The following MCUB variants were observed in gnomAD, a reference collection of about 807,000 sequenced individuals.
MCUB encodes calcium uniporter regulatory subunit MCUb, mitochondrial.
A neutral mutation model predicts 41.4 loss-of-function variants in MCUB; 46 were observed. The ratio of observed to expected loss-of-function variants is 1.11; its 90% CI spans 0.88 to 1.42. The LOEUF (loss-of-function observed/expected upper bound fraction) is 1.42, where lower values mean the gene tolerates loss of function less well. MCUB is among the 40% of genes most tolerant of loss of function. The pLI is 0.00. For synonymous variants in MCUB, 148 were observed against 148.2 expected, an observed-to-expected ratio of 1.00 and a Z score of 0.01; for missense variants, 403 against 404.9, an observed-to-expected ratio of 1.00 and a Z score of 0.04.
At chr4:109,605,214 G>A (rs1727842291) in intron 1 of MCUB, among the ~76,000 whole-genome samples, 1 of 152,040 alleles carries the variant, frequency 6.6e-6, no homozygotes, top group Admixed American at 6.6e-5. Context: ...TTATTGGTCT[G>A]TTTAAGTTTT....
At chr4:109,595,700 G>A (rs544013401) in intron 1 of MCUB, among the ~76,000 whole-genome samples, 4 of 152,298 alleles carry the variant, frequency 2.6e-5, no homozygotes, top group Non-Finnish European at 5.9e-5. Flanking sequence ...CCATAGAATA[G>A]CATTGTTTTG....
At chr4:109,600,592 G>T (rs1727708788) in intron 1 of MCUB, among the ~76,000 whole-genome samples, 1 of 152,126 alleles carries the variant, frequency 6.6e-6, no homozygotes, top group Non-Finnish European at 1.5e-5. Flanking sequence ...AGCTCTTTGG[G>T]AATGAAACAT....
chr4:109,599,811 G>C (rs1727686615), intron 1 of MCUB, among the ~76,000 whole-genome samples: 1 of 152,072 alleles, frequency 6.6e-6, no homozygotes, highest in Non-Finnish European at 1.5e-5. Flanking sequence ...TGGGATTACA[G>C]GCGCCTACCA....
intron 1 of MCUB, chr4:109,648,549 C>T (rs1182506679): frequency 1.2e-5 from 5 of 410,402 alleles, no homozygotes; most frequent in Non-Finnish European, 1.9e-5. Context: ...TTTATTTTCA[C>T]AGTGATGATT....
chr4:109,598,680 G>A (rs1727649028), intron 1 of MCUB, among the ~76,000 whole-genome samples: 1 of 152,162 alleles, frequency 6.6e-6, no homozygotes, highest in Non-Finnish European at 1.5e-5. Context: ...TTTCAATTAT[G>A]ATCTGGGCCC....
At chr4:109,597,680 G>T (rs1339974478) in intron 1 of MCUB, among the ~76,000 whole-genome samples, 1 of 135,194 alleles carries the variant, frequency 7.4e-6, no homozygotes, top group Non-Finnish European at 1.6e-5. Flanking sequence ...TGGCCGGGCG[G>T]GGGGCTGACC....
intron 1 of MCUB, among the ~76,000 whole-genome samples, chr4:109,634,254 G>A (rs1223727730): frequency 6.6e-6 from 1 of 151,950 alleles, no homozygotes; most frequent in Non-Finnish European, 1.5e-5. Flanking sequence ...AGGCCGAGGT[G>A]GGTGGATCAT....
chr4:109,611,634 A>T lies in MCUB; in HGVS notation c.100-47377A>T, dbSNP rs534169304. Among the ~76,000 whole-genome samples, 11 of 152,352 alleles carry T rather than the reference A, an allele frequency of 7.2e-5. No individual in the cohort carries two copies. In the South Asian group the frequency reaches 2.1e-3, roughly 29 times the overall value. Reference sequence around the variant, plus strand: ...AGATATTCAATTCCTTAGATATCATACAAGTGAGGATTTTTCAAAATTAGG... The same window carrying T: ...AGATATTCAATTCCTTAGATATCATTCAAGTGAGGATTTTTCAAAATTAGG... On this transcript the variant is annotated intron_variant, in intron 1 of 7. Transcript: ENST00000394650.
rs201155842 is a variant in MCUB, at chr4:109,681,794, T to TA, written c.452-787dup. Among the ~76,000 whole-genome samples, 649 of 152,334 alleles carry TA rather than the reference T, an allele frequency of 4.3e-3. 7 individuals carry two copies. Among genetic ancestry groups the TA allele is most frequent in the African/African-American group, 0.015 (632 of 41,574 alleles). On this transcript the variant is annotated intron_variant, in intron 4 of 7. Transcript: ENST00000394650. Reference sequence around the variant, plus strand: ...GAATGTAAGTCAGCAGCGAGTCTGCTACGGCGGCAAAACAGCAGTGGTGGA... The same window carrying TA: ...GAATGTAAGTCAGCAGCGAGTCTGCTAACGGCGGCAAAACAGCAGTGGTGGA...
chr4:109,664,272 A>C lies in MCUB; in HGVS notation c.347-18A>C, dbSNP rs757731959. 3 of 1,173,986 alleles carry C rather than the reference A, an allele frequency of 2.6e-6. No individual in the cohort carries two copies. The South Asian group carries it at 3.7e-5, about 14-fold the overall frequency. The allele number at this position is 1,173,986 out of a possible 1,614,324, so 72.7% of individuals were successfully genotyped here. A position where few individuals can be genotyped will look rare whatever the true frequency, so the allele number is the denominator to read the frequency against. On this transcript the variant is annotated intron_variant, in intron 3 of 7. Coordinates refer to ENST00000394650, the MANE Select transcript of MCUB (RefSeq NM_017918.5). ...TTCTAAAACAAAGACATGCTCATGCATGATGTTTTTCTTTCAGATGGCAAC... is the reference window on the plus strand; with the variant it reads ...TTCTAAAACAAAGACATGCTCATGCCTGATGTTTTTCTTTCAGATGGCAAC...
intron 1 of MCUB, among the ~76,000 whole-genome samples, chr4:109,564,218 C>T (rs894871333): frequency 4.6e-5 from 7 of 151,848 alleles, no homozygotes; most frequent in Middle Eastern, 3.4e-3. Flanking sequence ...CTGCAACCTC[C>T]GCCTCCCGGG....
chr4:109,564,227 G>A (rs1427376688), intron 1 of MCUB, among the ~76,000 whole-genome samples: 1 of 151,584 alleles, frequency 6.6e-6, no homozygotes. Flanking sequence ...CCGCCTCCCG[G>A]GTTCAAACGA....
chr4:109,587,253 G>T (rs2126127873), intron 1 of MCUB, among the ~76,000 whole-genome samples: 1 of 152,366 alleles, frequency 6.6e-6, no homozygotes, highest in Middle Eastern at 3.4e-3. Context: ...ATGGGCGTGG[G>T]ACCCACTGAG....
chr4:109,574,464 G>C (rs1726983804), intron 1 of MCUB, among the ~76,000 whole-genome samples: 1 of 152,206 alleles, frequency 6.6e-6, no homozygotes, highest in African/African-American at 2.4e-5. Flanking sequence ...AGAGCCTGGT[G>C]CTGGAGAAGC....
At chr4:109,635,786 G>A (rs1169769424) in intron 1 of MCUB, among the ~76,000 whole-genome samples, 5 of 151,900 alleles carry the variant, frequency 3.3e-5, no homozygotes, top group Admixed American at 6.6e-5. Context: ...TCTAATTCAA[G>A]GTAAAACAAA....
intron 4 of MCUB, among the ~76,000 whole-genome samples, chr4:109,670,392 A>T (rs1455055101): frequency 2.0e-5 from 3 of 151,990 alleles, no homozygotes; most frequent in East Asian, 3.9e-4. Context: ...CTCTGGGAAA[A>T]TAATTTACCT....
intron 1 of MCUB, among the ~76,000 whole-genome samples, chr4:109,592,730 A>G (rs1727466890): frequency 6.6e-6 from 1 of 152,234 alleles, no homozygotes; most frequent in Non-Finnish European, 1.5e-5. Context: ...TTTTTAAAAT[A>G]AAATTTTAAA....
chr4:109,570,017 TC>T (rs912962025), intron 1 of MCUB, among the ~76,000 whole-genome samples: 8 of 152,192 alleles, frequency 5.3e-5, no homozygotes, highest in African/African-American at 1.7e-4. Flanking sequence ...TAACATTTTG[TC>T]TCATGCTCTC....
intron 1 of MCUB, among the ~76,000 whole-genome samples, chr4:109,639,601 C>T (rs1267804151): frequency 4.6e-5 from 7 of 152,084 alleles, no homozygotes; most frequent in South Asian, 4.1e-4. Flanking sequence ...GCAGGAGAAT[C>T]GCTTGAACCT....
Sources: gnomAD v4.1 joint callset for allele counts (sites outside exome capture counted in the v4.1 genomes callset) on GRCh38, gnomAD v4.1.1 for gene constraint, MANE v1.5 for transcripts, NCBI Gene and HGNC (gene_info 2026-07-23, HGNC 2026-07-21) for gene names.